Variants in MYO7A observed in about 807,000 individuals in gnomAD.
MYO7A encodes the protein unconventional myosin-VIIa.
In MYO7A, 210 loss-of-function variants were observed where a neutral mutation model predicts 263.8. The ratio of observed to expected loss-of-function variants is 0.80; its 90% CI spans 0.71 to 0.89. The LOEUF (loss-of-function observed/expected upper bound fraction) is 0.89, where lower values mean the gene tolerates loss of function less well. Ranked by LOEUF, MYO7A falls within the 40% of genes least tolerant of loss-of-function variation. The pLI, the probability that MYO7A is intolerant of heterozygous loss-of-function variation, is 0.00. For missense variants in MYO7A, 2,820 were observed against 2,968.3 expected (o/e 0.95, Z 1.16); for synonymous variants, 1,239 against 1,197.3 (o/e 1.03, Z -0.72).
intron 10 of MYO7A, 37 bp downstream of exon 10, chr11:77,159,560 T>C (rs1555066994): frequency 6.3e-7 from 1 of 1,594,604 alleles, no homozygotes; most frequent in Non-Finnish European, 8.6e-7. Flanking sequence ...ATGACTTCTG[T>C]CCCTCTGAAG....
rs1374617503 is a variant in MYO7A, at chr11:77,138,295, C to T, written c.19-4414C>T. ...TAGGGAGCCGGAGCAGTGCCGCCGT[C>T]GCCGTCGCAGCGCCATGGAGGACCC... On this transcript the variant is annotated intron_variant, in intron 2 of 48. Coordinates refer to ENST00000409709, the MANE Select transcript of MYO7A (RefSeq NM_000260.4). The surrounding 1 kb of genome is among the most constrained non-coding windows in gnomAD (Gnocchi z 4.9). Among the ~76,000 whole-genome samples the T allele has an allele frequency of 6.6e-6, 1 of 151,912 alleles. No individual in the cohort carries two copies. The highest frequency in any genetic ancestry group is 2.4e-5 in the African/African-American group (1 of 41,222).
chr11:77,134,182 C>T (rs1950847579), intron 2 of MYO7A, among the ~76,000 whole-genome samples: 1 of 152,208 alleles, frequency 6.6e-6, no homozygotes, highest in East Asian at 1.9e-4. Flanking sequence ...CTGCCTGCCT[C>T]AGCCTCCCAA....
At chr11:77,129,181 A>G (rs1555045352) in intron 1 of MYO7A, among the ~76,000 whole-genome samples, 1 of 152,172 alleles carries the variant, frequency 6.6e-6, no homozygotes, top group African/African-American at 2.4e-5. Flanking sequence ...CTCATGGCTC[A>G]TGCTGGCATA....
At chr11:77,183,955 G>C (rs1467004110) in intron 26 of MYO7A, among the ~76,000 whole-genome samples, 3 of 152,136 alleles carry the variant, frequency 2.0e-5, no homozygotes, top group Non-Finnish European at 4.4e-5. Flanking sequence ...CACTCCGTGG[G>C]GTCCTGGGAA....
intron 13 of MYO7A, 147 bp downstream of exon 13, chr11:77,162,477 T>C: frequency 1.2e-6 from 1 of 811,566 alleles, no homozygotes; most frequent in Non-Finnish European, 2.0e-6. Flanking sequence ...AGTATAGGCA[T>C]CTGCCATTTG....
At position 77,179,901 on chromosome 11, in the gene MYO7A, C is replaced by T. The variant is rs1735578122; in HGVS notation, c.2534C>T (p.Ala845Val). The change falls in exon 21 of 49, where the codon GCC becomes GTC. Residue 845 changes from alanine to valine, a missense_variant. Ala to Val is a moderately conservative substitution (Grantham distance 64). Transcript: ENST00000409709. ...CTCTGGGCTGTGCTCACCGTGCAGG[C>T]CTATGCCCGGGGCATGATCGCCCGC... ...HRLWAVLTVQ[A>V]YARGMIARRL... 1.3e-6 allele frequency: 2 copies of T among 1,538,558 alleles called. No individual in the cohort carries two copies. Among genetic ancestry groups the T allele is most frequent in the Admixed American group, 2.0e-5 (1 of 50,944 alleles).
chr11:77,187,069 G>A (rs1269766914), intron 27 of MYO7A, among the ~76,000 whole-genome samples: 1 of 152,164 alleles, frequency 6.6e-6, no homozygotes, highest in African/African-American at 2.4e-5. Context: ...AGAGCAGTCA[G>A]AACACATCTA....
chr11:77,209,366 C>CT (rs1234218695), intron 44 of MYO7A: 1 of 153,646 alleles, frequency 6.5e-6, no homozygotes, highest in Non-Finnish European at 1.4e-5. Context: ...GGTTGGTGCT[C>CT]TTTTCTGGGC....
intron 26 of MYO7A, among the ~76,000 whole-genome samples, chr11:77,184,069 C>T (rs1434830929): frequency 6.6e-6 from 1 of 152,120 alleles, no homozygotes. Flanking sequence ...GGGCAGAGCT[C>T]GGGGCTTGTG....
intron 2 of MYO7A, among the ~76,000 whole-genome samples, chr11:77,140,551 G>A (rs1951149297): frequency 1.3e-5 from 2 of 152,034 alleles, no homozygotes; most frequent in Non-Finnish European, 1.5e-5. Context: ...CTCTCACCGA[G>A]GCCCGCTCTG....
intron 16 of MYO7A, 94 bp downstream of exon 16, chr11:77,172,979 A>C: frequency 1.4e-6 from 2 of 1,451,970 alleles, no homozygotes; most frequent in South Asian, 2.8e-5. Context: ...GAAGGATGTG[A>C]GACTTTGTCC....
At chr11:77,192,373 C>A in intron 31 of MYO7A, 95 bp downstream of exon 31, 1 of 1,319,558 alleles carries the variant, frequency 7.6e-7, no homozygotes, top group Non-Finnish European at 1.1e-6. Context: ...CCATCATTAG[C>A]TCAGGCTGGG....
intron 15 of MYO7A, among the ~76,000 whole-genome samples, chr11:77,166,437 G>C (rs1289408074): frequency 2.0e-5 from 3 of 152,176 alleles, no homozygotes; most frequent in African/African-American, 7.2e-5. Context: ...TCGGTTTACT[G>C]TGGGGGTTCA....
intron 32 of MYO7A, among the ~76,000 whole-genome samples, chr11:77,195,216 G>T (rs541297790): frequency 6.6e-6 from 1 of 152,028 alleles, no homozygotes; most frequent in South Asian, 2.1e-4. Context: ...CCACCTGACC[G>T]TGTGCCTTCT....
rs2135805663 is a variant in MYO7A, at chr11:77,214,777, G to A, written c.*81G>A. 1 of 1,200,992 alleles carries A rather than the reference G, an allele frequency of 8.3e-7. No homozygotes were observed. The highest frequency in any genetic ancestry group is 1.2e-6 in the Non-Finnish European group (1 of 841,168). The allele number at this position is 1,200,992 out of a possible 1,614,324, so 74.4% of individuals were successfully genotyped here. ...GGCCCATCAGCTACCCCTGCAGCTG[G>A]GGAAGACTTATGCCATCCCGGCAGC... On this transcript the variant is annotated 3_prime_UTR_variant, in exon 49 of 49. Coordinates refer to ENST00000409709, the MANE Select transcript of MYO7A (RefSeq NM_000260.4).
At chr11:77,163,276 C>G (rs1206038069) in intron 14 of MYO7A, among the ~76,000 whole-genome samples, 1 of 152,126 alleles carries the variant, frequency 6.6e-6, no homozygotes, top group East Asian at 1.9e-4. Context: ...ACCCCCGGCC[C>G]CCTGTAACCT....
chr11:77,189,275 A>C, intron 27 of MYO7A, 69 bp from the exon 28 acceptor site: 9 of 1,594,988 alleles, frequency 5.6e-6, no homozygotes, highest in Admixed American at 3.4e-5. Flanking sequence ...ACTGGCTGCT[A>C]GGAGGAGGTG....
intron 15 of MYO7A, among the ~76,000 whole-genome samples, chr11:77,170,474 C>A (rs1953986385): frequency 6.6e-6 from 1 of 152,094 alleles, no homozygotes; most frequent in Non-Finnish European, 1.5e-5. Flanking sequence ...CCTACAAGGA[C>A]CTGTGCCTTC....
intron 3 of MYO7A, among the ~76,000 whole-genome samples, chr11:77,146,450 G>A (rs1371935458): frequency 6.6e-6 from 1 of 152,220 alleles, no homozygotes; most frequent in Non-Finnish European, 1.5e-5. Context: ...GGGCCAGTGA[G>A]AGACGGTGGT....
Sources: allele counts gnomAD v4.1 joint callset (sites outside exome capture counted in the v4.1 genomes callset), GRCh38; gene constraint gnomAD v4.1.1; non-coding constraint Gnocchi (gnomAD v3.1); transcripts MANE v1.5; gene names NCBI Gene and HGNC (gene_info 2026-07-23, HGNC 2026-07-21).